The following GNG2 variants were observed in gnomAD, a reference collection of about 807,000 sequenced individuals.
The protein encoded by GNG2 is guanine nucleotide-binding protein G(I)/G(S)/G(O) subunit gamma-2.
Under a neutral mutation model 5.5 loss-of-function variants are expected in GNG2, and 5 were observed. The observed-to-expected ratio is 0.91, with a 90% CI of 0.48 to 1.92. The LOEUF (loss-of-function observed/expected upper bound fraction) is 1.92, where lower values mean the gene tolerates loss of function less well. Among genes scored for constraint, GNG2 ranks in the 30% most tolerant of loss-of-function variants. GNG2 has a pLI of 0.01. For missense variants in GNG2, 55 were observed against 88.4 expected (o/e 0.62, Z 1.52); for synonymous variants, 28 against 32.0 (o/e 0.88, Z 0.42).
At chr14:51,912,788 C>T (rs1886370507) in intron 2 of GNG2, among the ~76,000 whole-genome samples, 1 of 149,472 alleles carries the variant, frequency 6.7e-6, no homozygotes, top group South Asian at 2.1e-4. Context: ...CTTATAAAAA[C>T]CTTACATCAG....
chr14:51,955,019 G>T (rs1163925719), intron 3 of GNG2, among the ~76,000 whole-genome samples: 1 of 152,172 alleles, frequency 6.6e-6, no homozygotes, highest in African/African-American at 2.4e-5. Flanking sequence ...ATCATTGTAA[G>T]CTGGAAAGAT....
At chr14:51,906,869 C>T (rs1159600131) in intron 2 of GNG2, among the ~76,000 whole-genome samples, 2 of 151,250 alleles carry the variant, frequency 1.3e-5, no homozygotes, top group African/African-American at 2.4e-5. Context: ...CATTCTCCTG[C>T]CTCAGCCTCC....
chr14:51,869,473 A>G (rs946484738), intron 1 of GNG2, among the ~76,000 whole-genome samples: 3 of 152,170 alleles, frequency 2.0e-5, no homozygotes, highest in Non-Finnish European at 4.4e-5. Context: ...GCATATTTCA[A>G]TACGTAGAGG....
chr14:51,897,235 C>A (rs1885255136), intron 2 of GNG2, among the ~76,000 whole-genome samples: 1 of 152,182 alleles, frequency 6.6e-6, no homozygotes, highest in African/African-American at 2.4e-5. Context: ...TAGAGTTGGA[C>A]AGTCCAGGTC....
Position 51,947,061 on chromosome 14 carries a change from G to T in GNG2, c.-29-3589G>T, listed in dbSNP as rs149230492. 6.8e-4 allele frequency among the ~76,000 whole-genome samples: 103 copies of T among 152,246 alleles called. 2 individuals are homozygous for T. The East Asian group carries it at 0.019, about 28-fold the overall frequency. On this transcript the variant is annotated intron_variant, in intron 2 of 3. Transcript: ENST00000556766. The stretch of plus-strand genomic sequence containing the variant: ...ACTAGGAGCACAAAACAAAGCCTAG[G>T]TTTACTTTTTCTCTTAAGTCCATTG...
At chr14:51,944,231 CA>C (rs762909614) in intron 2 of GNG2, among the ~76,000 whole-genome samples, 12 of 152,080 alleles carry the variant, frequency 7.9e-5, no homozygotes, top group Non-Finnish European at 1.5e-4. Context: ...ATGCAATTGA[CA>C]AGGTGGCTTA....
chr14:51,932,246 CA>C (rs781725794), intron 2 of GNG2, among the ~76,000 whole-genome samples: 136 of 23,194 alleles, frequency 5.9e-3, no homozygotes, highest in East Asian at 0.013. Context: ...GACTCTGTCT[CA>C]AAAAAAAAAA....
chr14:51,844,871 G>A (rs770149794), intron 2 of GNG2, among the ~76,000 whole-genome samples: 7 of 152,088 alleles, frequency 4.6e-5, no homozygotes, highest in Non-Finnish European at 1.0e-4. Context: ...GATTACAGGC[G>A]CACGCCACCA....
At chr14:51,933,786 C>T (rs545587168) in intron 2 of GNG2, among the ~76,000 whole-genome samples, 6 of 152,186 alleles carry the variant, frequency 3.9e-5, no homozygotes, top group Admixed American at 2.0e-4. Flanking sequence ...AGAATATGGG[C>T]GTTCTCTTCT....
chr14:51,839,014 A>T (rs546545663), intron 2 of GNG2, among the ~76,000 whole-genome samples: 5 of 151,282 alleles, frequency 3.3e-5, no homozygotes, highest in African/African-American at 1.2e-4. Context: ...TCAAGCCCAT[A>T]AGACTACCTA....
intron 2 of GNG2, among the ~76,000 whole-genome samples, chr14:51,925,426 G>C (rs143597464): frequency 8.8e-4 from 134 of 152,324 alleles, no homozygotes; most frequent in African/African-American, 3.1e-3. Flanking sequence ...GACCTGAATA[G>C]ATTCTGGGCC....
chr14:51,867,626 G>A (rs1882993926), intron 1 of GNG2, among the ~76,000 whole-genome samples: 1 of 152,154 alleles, frequency 6.6e-6, no homozygotes, highest in Non-Finnish European at 1.5e-5. Context: ...CTAACCTCCA[G>A]CTGGGCTGAC....
chr14:51,913,921 CAT>C (rs1246025066), intron 2 of GNG2, among the ~76,000 whole-genome samples: 2 of 152,118 alleles, frequency 1.3e-5, no homozygotes, highest in African/African-American at 2.4e-5. Flanking sequence ...ATAAAAGTTA[CAT>C]ATATCCAAAT....
At chr14:51,966,209 C>CAAAAA (rs34653524) in intron 3 of GNG2, among the ~76,000 whole-genome samples, 3,027 of 28,054 alleles carry the variant, frequency 0.11, 634 homozygotes, top group Middle Eastern at 0.22. Flanking sequence ...GACTGCATCT[C>CAAAAA]AAAAAAAAAA....
At chr14:51,895,920 G>A (rs1230941296) in intron 2 of GNG2, among the ~76,000 whole-genome samples, 3 of 151,996 alleles carry the variant, frequency 2.0e-5, no homozygotes, top group Non-Finnish European at 2.9e-5. Context: ...CACGTAAGAC[G>A]TGACTTACTC....
intron 3 of GNG2, among the ~76,000 whole-genome samples, chr14:51,960,697 GA>G (rs1380187997): frequency 2.2e-5 from 3 of 135,974 alleles, no homozygotes; most frequent in African/African-American, 9.3e-5. Flanking sequence ...ATCTATTCAA[GA>G]CTTACTTTTC....
intron 2 of GNG2, among the ~76,000 whole-genome samples, chr14:51,924,148 A>T (rs954488025): frequency 4.6e-5 from 7 of 152,214 alleles, no homozygotes; most frequent in African/African-American, 1.7e-4. Flanking sequence ...TTGGGTTCCT[A>T]ACTGAGGTCC....
chr14:51,947,207 A>G (rs767666198), intron 2 of GNG2, among the ~76,000 whole-genome samples: 2 of 152,114 alleles, frequency 1.3e-5, no homozygotes, highest in Admixed American at 6.5e-5. Context: ...GACTTCTTCC[A>G]TGATAGGCAG....
At chr14:51,881,358 G>A (rs1372333847) in intron 2 of GNG2, among the ~76,000 whole-genome samples, 2 of 152,174 alleles carry the variant, frequency 1.3e-5, no homozygotes, top group Non-Finnish European at 2.9e-5. Context: ...TCATGTCTTG[G>A]AGTCTCATTT....
Sources: gnomAD v4.1 joint callset for allele counts (sites outside exome capture counted in the v4.1 genomes callset) on GRCh38, gnomAD v4.1.1 for gene constraint, MANE v1.5 for transcripts, NCBI Gene and HGNC (gene_info 2026-07-23, HGNC 2026-07-21) for gene names.